The following EFCAB8 variants were observed in gnomAD, a reference collection of about 807,000 sequenced individuals.
EFCAB8 encodes EF-hand calcium binding domain 8, also known as EF-hand calcium-binding domain-containing protein 8.
In EFCAB8, 100 loss-of-function variants were observed where a neutral mutation model predicts 116.3. The ratio of observed to expected loss-of-function variants is 0.86; its 90% CI spans 0.73 to 1.02. The LOEUF is 1.02. Among genes scored for constraint, EFCAB8 ranks in the 50% least tolerant of loss-of-function variants. EFCAB8 has a pLI of 0.00. For missense variants in EFCAB8, 1,320 were observed against 1,416.9 expected, an observed-to-expected ratio of 0.93 and a Z score of 1.10; for synonymous variants, 558 against 567.9, an observed-to-expected ratio of 0.98 and a Z score of 0.25.
At chr20:32,885,807 A>G (rs1322857310) in intron 6 of EFCAB8, among the ~76,000 whole-genome samples, 167 bp downstream of exon 6, 6 of 152,140 alleles carry the variant, frequency 3.9e-5, no homozygotes, top group Non-Finnish European at 8.8e-5. Flanking sequence ...TGGGAGCCAC[A>G]CATTTCCCTT....
chr20:32,917,622 T>G lies in EFCAB8; in HGVS notation c.2061+117T>G, dbSNP rs1987248889. 3.3e-6 allele frequency: 4 copies of G among 1,194,102 alleles called. No homozygotes were observed. The Admixed American group carries it at 9.0e-5, about 27-fold the overall frequency. The allele number at this position is 1,194,102 out of a possible 1,614,324, so 74.0% of individuals were successfully genotyped here. On this transcript the variant is annotated intron_variant, in intron 18 of 26. Transcript: ENST00000400522. ...AGCAGGAGGGATGATGGCGACTTGT[T>G]CTGGATGGGGTGGGGAGCTTGGTTA...
At chr20:32,946,286 A>G (rs1324783668) in intron 23 of EFCAB8, among the ~76,000 whole-genome samples, 1 of 152,260 alleles carries the variant, frequency 6.6e-6, no homozygotes, top group Non-Finnish European at 1.5e-5. Context: ...TTTCCCTCCC[A>G]GGGAGAAGCT....
chr20:32,930,222 G>A (rs1001296622), intron 20 of EFCAB8, among the ~76,000 whole-genome samples, 176 bp from the exon 21 acceptor site: 31 of 152,202 alleles, frequency 2.0e-4, no homozygotes, highest in African/African-American at 4.3e-4. Flanking sequence ...GTTCATAGTC[G>A]AGTATGACGT....
At chr20:32,910,654 A>T (rs113033385) in intron 15 of EFCAB8, among the ~76,000 whole-genome samples, 1 of 151,738 alleles carries the variant, frequency 6.6e-6, no homozygotes, top group Non-Finnish European at 1.5e-5. Flanking sequence ...ACCTTAAAAA[A>T]GTTTGTTTAA....
intron 22 of EFCAB8, among the ~76,000 whole-genome samples, chr20:32,939,014 TTCCC>T (rs147666599): frequency 0.074 from 9,406 of 126,460 alleles, 946 homozygotes; most frequent in African/African-American, 0.16. Flanking sequence ...CCTTCCCTCC[TTCCC>T]TCCCTCCCTC....
At position 32,893,730 on chromosome 20, in the gene EFCAB8, C is replaced by T. The variant is rs182986277; in HGVS notation, c.883+432C>T. Among the ~76,000 whole-genome samples the T allele has an allele frequency of 8.6e-5, 13 of 151,774 alleles. No individual in the cohort carries two copies. In the East Asian group the frequency reaches 2.6e-3, roughly 30 times the overall value. ...TGCCTTTGGGTGGGCAGGGGCTGTC[C>T]TGGATGTGGGCTCTGTGGAGCCTGG... On this transcript the variant is annotated intron_variant, in intron 9 of 26. Coordinates refer to ENST00000400522, the MANE Select transcript of EFCAB8 (RefSeq NM_001143967.2).
At chr20:32,883,830 A>C (rs1224527413) in intron 5 of EFCAB8, among the ~76,000 whole-genome samples, 1 of 151,980 alleles carries the variant, frequency 6.6e-6, no homozygotes, top group Non-Finnish European at 1.5e-5. Context: ...AGCTGGGACT[A>C]CAGGCGTGTG....
chr20:32,908,201 A>AC (rs1301516014), intron 13 of EFCAB8, 74 bp from the exon 14 acceptor site: 22 of 1,240,696 alleles, frequency 1.8e-5, no homozygotes, highest in Non-Finnish European at 2.2e-5. Context: ...CGCCGGAGGC[A>AC]CCCCCGAGGC....
chr20:32,959,869 G>T lies in EFCAB8; in HGVS notation c.3181G>T (p.Ala1061Ser). ...ALLHGKADKEADTWAKLQKMA... is the reference protein window; with the variant it reads ...ALLHGKADKESDTWAKLQKMA... ...CCTGCATGGGAAGGCAGATAAGGAGGCAGACACTTGGGCCAAGCTGCAGAA... is the reference window on the plus strand; with the variant it reads ...CCTGCATGGGAAGGCAGATAAGGAGTCAGACACTTGGGCCAAGCTGCAGAA... Residue 1061 changes from alanine to serine, a missense_variant, in exon 25 of 27, where the codon GCA (alanine) becomes TCA (serine). Transcript: ENST00000400522. 6.4e-7 allele frequency: 1 copy of T among 1,551,166 alleles called. No homozygotes were observed. Among genetic ancestry groups the T allele is most frequent in the African/African-American group, 1.4e-5 (1 of 73,160 alleles).
chr20:32,875,143 C>T (rs539794124), intron 3 of EFCAB8, among the ~76,000 whole-genome samples: 2 of 152,308 alleles, frequency 1.3e-5, no homozygotes, highest in South Asian at 2.1e-4. Context: ...AGTGCCTCCC[C>T]TCCCCACACT....
chr20:32,931,406 C>A, intron 22 of EFCAB8, 70 bp downstream of exon 22: 1 of 1,427,874 alleles, frequency 7.0e-7, no homozygotes, highest in Non-Finnish European at 9.2e-7. Context: ...GGACCATAAA[C>A]TAACTCATAC....
intron 9 of EFCAB8, 50 bp from the exon 10 acceptor site, chr20:32,896,404 A>T (rs771128080): frequency 1.4e-6 from 1 of 710,146 alleles, no homozygotes; most frequent in East Asian, 2.7e-5. Flanking sequence ...TTGCTTGCCA[A>T]GCGAAGGGGG....
intron 23 of EFCAB8, among the ~76,000 whole-genome samples, 170 bp downstream of exon 23, chr20:32,943,974 G>T (rs371768620): frequency 6.6e-6 from 1 of 151,968 alleles, no homozygotes; most frequent in East Asian, 1.9e-4. Context: ...TTCAGCAAAC[G>T]GTCCATCCAT....
At position 32,961,142 on chromosome 20, in the gene EFCAB8, C is replaced by T. The variant is rs2146309861; in HGVS notation, c.3400C>T (p.Pro1134Ser). The change falls in exon 27 of 27, where the codon CCT becomes TCT. Residue 1134 changes from proline (P) to serine (S), a missense_variant. Coordinates refer to ENST00000400522, the MANE Select transcript of EFCAB8 (RefSeq NM_001143967.2). ...CCCACTCTGTTCCCTGCAGATCTCG[C>T]CTCAGGTCTACCAAAGCCTGCACTT... is the stretch of plus-strand genomic sequence containing the variant. ...PYGWMKHQIS[P>S]QVYQSLHFSD... is the part of the protein sequence containing the mutation. The T allele has an allele frequency of 1.3e-6, 2 of 1,552,238 alleles. No individual in the cohort carries two copies. The highest frequency in any genetic ancestry group is 2.4e-5 in the East Asian group (1 of 40,918).
In EFCAB8 at chr20:32,875,934, A is replaced by G. The variant is rs1262902273; in HGVS notation, c.217A>G (p.Met73Val). 4 of 1,551,658 alleles carry G rather than the reference A, an allele frequency of 2.6e-6. No homozygotes were observed. Among genetic ancestry groups the G allele is most frequent in the Non-Finnish European group, 2.6e-6 (3 of 1,146,966 alleles). ...CTGTTCTCTCTTTGAAGCCCTGGGC[A>G]TGGACGCCTTCATCAAGGCCATGAA... ...EDINSTGALG[M>V]DAFIKAMKKV... The change falls in exon 4 of 27, where the codon ATG (methionine) becomes GTG (valine). Residue 73 changes from methionine to valine, a missense_variant. By Grantham distance (21) the Met-to-Val change is conservative (BLOSUM62 1). Transcript: ENST00000400522.
chr20:32,934,061 C>T (rs964049434), intron 22 of EFCAB8, among the ~76,000 whole-genome samples: 4 of 145,688 alleles, frequency 2.7e-5, no homozygotes, highest in African/African-American at 1.0e-4. Flanking sequence ...CCAGGCTGGT[C>T]TTGAACTCCT....
intron 15 of EFCAB8, 87 bp downstream of exon 15, chr20:32,910,018 G>A (rs1388269841): frequency 3.3e-6 from 2 of 605,212 alleles, no homozygotes; most frequent in Non-Finnish European, 4.9e-6. Context: ...GCCTGGGTCT[G>A]TAGTCAGCTC....
At position 32,940,080 on chromosome 20, in the gene EFCAB8, CCTTG is replaced by C. The variant is rs1190049061; in HGVS notation, c.2791-3552_2791-3549del. On this transcript the variant is annotated intron_variant, in intron 22 of 26. Transcript: ENST00000400522. ...TCCTTCCTTCCTTCCTTCCTTCCTT[CCTTG>C]CTTTTTGGAGATACAAGGGATATAG... Among the ~76,000 whole-genome samples the C allele has an allele frequency of 9.0e-4, 107 of 118,780 alleles. 6 individuals are homozygous for C. Among genetic ancestry groups the C allele is most frequent in the Middle Eastern group, 4.2e-3 (1 of 238 alleles). The allele number at this position is 118,780 out of a possible 152,430, so 77.9% of individuals were successfully genotyped here. A position where few individuals can be genotyped will look rare whatever the true frequency, so the allele number is the denominator to read the frequency against.
intron 23 of EFCAB8, among the ~76,000 whole-genome samples, chr20:32,946,521 A>G (rs1380739555): frequency 6.6e-6 from 1 of 152,208 alleles, no homozygotes; most frequent in East Asian, 1.9e-4. Context: ...GAAGTTCTGG[A>G]TCTTCCTATT....
Sources: gnomAD v4.1 joint callset for allele counts (sites outside exome capture counted in the v4.1 genomes callset) on GRCh38, gnomAD v4.1.1 for gene constraint, MANE v1.5 for transcripts, NCBI Gene and HGNC (gene_info 2026-07-23, HGNC 2026-07-21) for gene names.